The following DACH2 variants were observed in gnomAD, a reference collection of about 807,000 sequenced individuals.
The protein encoded by DACH2 is dachshund homolog 2.
DACH2 carries 17 observed loss-of-function variants against 35.8 expected under a neutral mutation model. That is an observed-to-expected ratio of 0.48 (90% CI 0.33 to 0.71). The LOEUF (loss-of-function observed/expected upper bound fraction) is 0.71. DACH2 is among the 30% of genes least tolerant of loss of function. The pLI, the probability that DACH2 is intolerant of heterozygous loss-of-function variation, is 0.02. For missense variants in DACH2, 469 were observed against 472.7 expected (o/e 0.99, Z 0.07); for synonymous variants, 195 against 177.3 (o/e 1.10, Z -0.79).
chrX:86,322,187 T>C (rs5967719), intron 1 of DACH2, among the ~76,000 whole-genome samples: 19,079 of 110,738 alleles, frequency 0.17, 1,789 homozygotes, highest in African/African-American at 0.36. Context: ...ATATTAAAAT[T>C]AAGGATCCTT....
intron 1 of DACH2, among the ~76,000 whole-genome samples, chrX:86,247,737 C>G (rs2033314688): frequency 9.0e-6 from 1 of 110,955 alleles, no homozygotes; most frequent in Admixed American, 9.6e-5. Flanking sequence ...AGACACAACA[C>G]AAAAAGAAAA....
intron 1 of DACH2, among the ~76,000 whole-genome samples, chrX:86,287,764 A>G (rs1350679977): frequency 5.4e-5 from 6 of 112,006 alleles, no homozygotes; most frequent in African/African-American, 1.9e-4. Flanking sequence ...AATTAAATTT[A>G]TCTGATAGAA....
chrX:86,355,146 C>T lies in DACH2; in HGVS notation c.489-21678C>T, dbSNP rs1041391157. 3.3e-4 allele frequency among the ~76,000 whole-genome samples: 37 copies of T among 111,798 alleles called. No individual in the cohort carries two copies. In the Admixed American group the frequency reaches 3.3e-3, roughly 10 times the overall value. ...TGTTTAGCTCCCACTTATACGTGAA[C>T]ATACGTGGTATTTGGTTTTTTGTTC... On this transcript the variant is annotated intron_variant, in intron 1 of 11. Coordinates refer to ENST00000373125, the MANE Select transcript of DACH2 (RefSeq NM_053281.3).
intron 1 of DACH2, among the ~76,000 whole-genome samples, chrX:86,224,170 C>T (rs1163854940): frequency 3.6e-5 from 4 of 109,771 alleles, no homozygotes; most frequent in African/African-American, 9.9e-5. Flanking sequence ...CTTTTTTTTT[C>T]ACTTGGAAAC....
chrX:86,331,743 A>G (rs988389259), intron 1 of DACH2, among the ~76,000 whole-genome samples: 1 of 111,285 alleles, frequency 9.0e-6, no homozygotes, highest in African/African-American at 3.3e-5. Flanking sequence ...TACACTATAC[A>G]AGTGTCAACT....
intron 1 of DACH2, among the ~76,000 whole-genome samples, chrX:86,374,305 G>A (rs192180437): frequency 9.0e-6 from 1 of 111,210 alleles, no homozygotes; most frequent in East Asian, 2.8e-4. Context: ...GTGATACAGG[G>A]TAAAAATGAC....
intron 6 of DACH2, among the ~76,000 whole-genome samples, chrX:86,737,958 CT>C (rs1266334237): frequency 9.0e-6 from 1 of 110,974 alleles, no homozygotes; most frequent in African/African-American, 3.3e-5. Flanking sequence ...TTAAAGGTCA[CT>C]CACATCTCTT....
chrX:86,751,726 A>G (rs1486080363), intron 7 of DACH2, among the ~76,000 whole-genome samples: 1 of 111,353 alleles, frequency 9.0e-6, no homozygotes, highest in Non-Finnish European at 1.9e-5. Context: ...GGAAGGAAAT[A>G]GGAAAAAAAA....
At chrX:86,829,820 C>G (rs984284046) in intron 11 of DACH2, 2 of 111,872 alleles carry the variant, frequency 1.8e-5, no homozygotes, top group Non-Finnish European at 3.8e-5. Context: ...AATCCCAAAG[C>G]AATAAACTCT....
intron 7 of DACH2, among the ~76,000 whole-genome samples, chrX:86,759,344 A>C (rs991515541): frequency 1.1e-4 from 12 of 111,529 alleles, no homozygotes; most frequent in African/African-American, 3.9e-4. Context: ...TGCTGAACTT[A>C]TCCCTTTTTC....
intron 7 of DACH2, among the ~76,000 whole-genome samples, chrX:86,746,669 C>T (rs1338609155): frequency 9.0e-6 from 1 of 111,310 alleles, no homozygotes; most frequent in Non-Finnish European, 1.9e-5. Flanking sequence ...ATTATGGATA[C>T]AATATCTTTA....
chrX:86,742,655 A>T (rs979814278), intron 7 of DACH2: 7 of 301,153 alleles, frequency 2.3e-5, no homozygotes, highest in Non-Finnish European at 4.5e-5. Flanking sequence ...ATGATGCCCA[A>T]CAATAGAGAG....
intron 6 of DACH2, among the ~76,000 whole-genome samples, chrX:86,720,188 C>T (rs1051285333): frequency 5.5e-5 from 6 of 109,664 alleles, no homozygotes; most frequent in East Asian, 2.9e-4. Context: ...CCACCTGCCT[C>T]GGCCTCCCAA....
At chrX:86,775,470 C>T (rs2147300417) in intron 7 of DACH2, among the ~76,000 whole-genome samples, 1 of 111,588 alleles carries the variant, frequency 9.0e-6, no homozygotes, top group East Asian at 2.9e-4. Flanking sequence ...CTGTGGGCTC[C>T]TTACGAGAAT....
chrX:86,653,365 T>C (rs970542561), intron 4 of DACH2, among the ~76,000 whole-genome samples: 4 of 111,660 alleles, frequency 3.6e-5, no homozygotes, highest in African/African-American at 1.3e-4. Flanking sequence ...GGTAATGTGA[T>C]GCCTTCAGCT....
At chrX:86,258,025 C>G (rs1165095311) in intron 1 of DACH2, among the ~76,000 whole-genome samples, 1 of 111,332 alleles carries the variant, frequency 9.0e-6, no homozygotes, top group African/African-American at 3.3e-5. Flanking sequence ...CAGTCTGCTC[C>G]TTTAAGAACA....
chrX:86,240,111 C>G (rs1319787866), intron 1 of DACH2, among the ~76,000 whole-genome samples: 2 of 111,608 alleles, frequency 1.8e-5, no homozygotes, highest in African/African-American at 6.5e-5. Context: ...TAACCAAAAG[C>G]AAGCAACTTC....
chrX:86,207,460 G>A (rs1018994294), intron 1 of DACH2, among the ~76,000 whole-genome samples: 1 of 110,764 alleles, frequency 9.0e-6, no homozygotes, highest in Non-Finnish European at 1.9e-5. Context: ...TAGATTTTTA[G>A]CCTCATTTAT....
chrX:86,591,541 A>ATTTTTTTT lies in DACH2; in HGVS notation c.641-59488_641-59481dup, dbSNP rs566345938. On this transcript the variant is annotated intron_variant, in intron 3 of 11. Coordinates refer to ENST00000373125, the MANE Select transcript of DACH2 (RefSeq NM_053281.3). ...TAGGTGTCTACTCAGTTCTTTGGCT[A>ATTTTTTTT]TTTTTTTTTTTTTTGAGAAGGAGTC... is the stretch of plus-strand genomic sequence containing the variant. Among the ~76,000 whole-genome samples, 93 of 93,211 alleles carry ATTTTTTTT rather than the reference A, an allele frequency of 1.0e-3. 3 individuals are homozygous for ATTTTTTTT. The highest frequency in any genetic ancestry group is 7.0e-3 in the South Asian group (14 of 2,012). The allele number at this position is 93,211 out of a possible 115,157, so 80.9% of individuals were successfully genotyped here.
Sources: gnomAD v4.1 joint callset for allele counts (sites outside exome capture counted in the v4.1 genomes callset) on GRCh38, gnomAD v4.1.1 for gene constraint, MANE v1.5 for transcripts, NCBI Gene and HGNC (gene_info 2026-07-23, HGNC 2026-07-21) for gene names.